The following POLR2D variants were observed in gnomAD, a reference collection of about 807,000 sequenced individuals.
POLR2D encodes DNA-directed RNA polymerase II subunit RPB4.
POLR2D carries 10 observed loss-of-function variants against 17.6 expected under a neutral mutation model. That is an observed-to-expected ratio of 0.57 (90% CI 0.35 to 0.96). POLR2D has a LOEUF of 0.96. Among genes scored for constraint, POLR2D ranks in the 40% least tolerant of loss-of-function variants. The probability of loss-of-function intolerance (pLI) is 0.02; values close to 1 mark genes in which losing one functional copy is unlikely to be tolerated. For missense variants in POLR2D, 126 were observed against 176.4 expected (o/e 0.71, Z 1.62); for synonymous variants, 52 against 60.2 (o/e 0.86, Z 0.63).
At position 127,847,069 on chromosome 2, in the gene POLR2D, GCTT is replaced by G. The variant is rs1168753500; in HGVS notation, c.*1035_*1037del. The stretch of plus-strand genomic sequence containing the variant: ...TGTGGACCTCTTTGGCACGACCATT[GCTT>G]CTTCTTTGTTATCTTGGAGGTGCAG... On this transcript the variant is annotated 3_prime_UTR_variant, in exon 4 of 4. Transcript: ENST00000272645. The G allele has an allele frequency of 2.0e-5, 3 of 152,590 alleles. No individual in the cohort carries two copies. The highest frequency in any genetic ancestry group is 2.9e-5 in the Non-Finnish European group (2 of 68,046). 9.5% of individuals were successfully genotyped at this position (152,590 alleles called of 1,614,324 possible).
intron 3 of POLR2D, among the ~76,000 whole-genome samples, chr2:127,849,986 G>A (rs1690224049): frequency 1.3e-5 from 2 of 152,144 alleles, no homozygotes; most frequent in African/African-American, 4.8e-5. Context: ...TTTGGAACTT[G>A]GAGTATATTC....
At chr2:127,849,512 T>C (rs1179393257) in intron 3 of POLR2D, among the ~76,000 whole-genome samples, 2 of 152,250 alleles carry the variant, frequency 1.3e-5, no homozygotes, top group Admixed American at 6.5e-5. Context: ...TACACATTTA[T>C]GGATACGTAA....
intron 1 of POLR2D, chr2:127,857,730 G>C: frequency 1.0e-6 from 1 of 955,484 alleles, no homozygotes. Context: ...TTTCCCTAGT[G>C]CAACAGTATA....
chr2:127,856,609 TA>T (rs759747716), intron 1 of POLR2D, among the ~76,000 whole-genome samples: 503 of 150,754 alleles, frequency 3.3e-3, no homozygotes, highest in Middle Eastern at 0.01. Flanking sequence ...AAAAAAAAAT[TA>T]AAAAAAATAA....
rs368854428 is a variant in POLR2D, at chr2:127,849,753, A to T, written c.350+837T>A. 5.8e-4 allele frequency among the ~76,000 whole-genome samples: 88 copies of T among 152,308 alleles called. 1 individual carries two copies. The highest frequency in any genetic ancestry group is 2.0e-3 in the African/African-American group (85 of 41,570). ...TTATCAAATTTCTGCTATCATTAGC[A>T]GTGGAGCATGAGGCTGGGCACCGCG... is the stretch of plus-strand genomic sequence containing the variant. On this transcript the variant is annotated intron_variant, in intron 3 of 3. Transcript: ENST00000272645.
chr2:127,856,290 C>CAA (rs61249327), intron 1 of POLR2D, among the ~76,000 whole-genome samples: 4,218 of 25,374 alleles, frequency 0.17, 893 homozygotes, highest in Non-Finnish European at 0.18. Flanking sequence ...GATCCCGTCT[C>CAA]AAAAAAAAAA....
At position 127,850,601 on chromosome 2, in the gene POLR2D, A is replaced by G. The variant is rs764885564; in HGVS notation, c.339T>C (p.Ala113=). The G allele has an allele frequency of 1.3e-6, 2 of 1,515,278 alleles. No individual in the cohort carries two copies. The highest frequency in any genetic ancestry group is 4.5e-5 in the East Asian group (2 of 44,390). The allele number at this position is 1,515,278 out of a possible 1,614,324, so 93.9% of individuals were successfully genotyped here. ...CAACTGGTACTAACCTTGGGATTAGAGCCTTGGACTCCTCAGCAGTCTCTG... is the reference window on the plus strand; with the variant it reads ...CAACTGGTACTAACCTTGGGATTAGGGCCTTGGACTCCTCAGCAGTCTCTG... ...LCPETAEESK[A]LIPSLEGRFE... is the part of the protein sequence containing the mutation. The change falls in exon 3 of 4, where the codon GCT becomes GCC. Residue 113 remains alanine, a synonymous_variant. Transcript: ENST00000272645.
intron 2 of POLR2D, among the ~76,000 whole-genome samples, chr2:127,851,197 C>T (rs1690247274): frequency 6.6e-6 from 1 of 152,016 alleles, no homozygotes; most frequent in South Asian, 2.1e-4. Flanking sequence ...GCCTGGGTGA[C>T]AGAACTAGAC....
In POLR2D at chr2:127,844,613, G is replaced by A. The variant is rs1009617447; in HGVS notation, c.*3494C>T. 6.6e-6 allele frequency: 1 copy of A among 152,160 alleles called. No homozygotes were observed. Among genetic ancestry groups the A allele is most frequent in the Non-Finnish European group, 1.5e-5 (1 of 68,032 alleles). The allele number at this position is 152,160 out of a possible 1,614,324, so 9.4% of individuals were successfully genotyped here. A position where few individuals can be genotyped will look rare whatever the true frequency, so the allele number is the denominator to read the frequency against. The stretch of plus-strand genomic sequence containing the variant: ...CCAGGCTTTCAACCTACAACAGCAT[G>A]AGGTTGCTTTACCAAGTTCCCTAGT... On this transcript the variant is annotated 3_prime_UTR_variant, in exon 4 of 4. Coordinates refer to ENST00000272645, the MANE Select transcript of POLR2D (RefSeq NM_004805.4).
chr2:127,856,716 A>T (rs546206452), intron 1 of POLR2D, among the ~76,000 whole-genome samples: 1 of 152,012 alleles, frequency 6.6e-6, no homozygotes, highest in South Asian at 2.1e-4. Flanking sequence ...TTTATTTCTT[A>T]GAGGGTAGTA....
Position 127,844,090 on chromosome 2 carries a change from C to G in POLR2D, c.*4017G>C. ...CTGCACTCCAGCCTGGGCGACAGAG[C>G]AAGATCCTGCTGTATCCAAAAAAAA... is the stretch of plus-strand genomic sequence containing the variant. On this transcript the variant is annotated 3_prime_UTR_variant, in exon 4 of 4. Transcript: ENST00000272645. 1 of 110,944 alleles carries G rather than the reference C, an allele frequency of 9.0e-6. No homozygotes were observed. The highest frequency in any genetic ancestry group is 3.7e-5 in the African/African-American group (1 of 26,876). The allele number at this position is 110,944 out of a possible 1,614,324, so 6.9% of individuals were successfully genotyped here.
intron 1 of POLR2D, among the ~76,000 whole-genome samples, chr2:127,856,005 G>C (rs1690321827): frequency 1.3e-5 from 2 of 152,124 alleles, no homozygotes; most frequent in Admixed American, 6.5e-5. Context: ...TAATAGGCCA[G>C]GTGCAGTGGC....
In POLR2D at chr2:127,843,674, G is replaced by A. The variant is rs946522846; in HGVS notation, c.*4433C>T. 1 of 152,634 alleles carries A rather than the reference G, an allele frequency of 6.6e-6. No homozygotes were observed. The highest frequency in any genetic ancestry group is 2.4e-5 in the African/African-American group (1 of 41,420). The allele number at this position is 152,634 out of a possible 1,614,324, so 9.5% of individuals were successfully genotyped here. The stretch of plus-strand genomic sequence containing the variant: ...AATCTTAATAAAACCAGAATGACTA[G>A]ATGCTATGGTCTGAATGTGCCCCCT... On this transcript the variant is annotated 3_prime_UTR_variant, in exon 4 of 4. Coordinates refer to ENST00000272645, the MANE Select transcript of POLR2D (RefSeq NM_004805.4).
At chr2:127,857,728 G>T in intron 1 of POLR2D, 2 of 953,656 alleles carry the variant, frequency 2.1e-6, no homozygotes, top group Non-Finnish European at 2.6e-6. Context: ...CTTTTCCCTA[G>T]TGCAACAGTA....
intron 1 of POLR2D, among the ~76,000 whole-genome samples, chr2:127,856,265 T>C (rs1690326323): frequency 9.5e-6 from 1 of 105,542 alleles, no homozygotes; most frequent in African/African-American, 3.6e-5. Flanking sequence ...CACTCCAACC[T>C]AGGTAGCAGA....
In POLR2D at chr2:127,852,779, A is replaced by G. The variant is rs1690272399; in HGVS notation, c.254+146T>C. The G allele has an allele frequency of 4.6e-6, 3 of 657,284 alleles. No homozygotes were observed. The highest frequency in any genetic ancestry group is 3.6e-5 in the African/African-American group (2 of 55,116). 40.7% of individuals were successfully genotyped at this position (657,284 alleles called of 1,614,324 possible). A position where few individuals can be genotyped will look rare whatever the true frequency, so the allele number is the denominator to read the frequency against. On this transcript the variant is annotated intron_variant, in intron 2 of 3. Coordinates refer to ENST00000272645, the MANE Select transcript of POLR2D (RefSeq NM_004805.4). The surrounding 1 kb of genome is among the most constrained non-coding windows in gnomAD (Gnocchi z 4.0). ...AAGTGATCTGCTGCCTCAACCTTCC[A>G]AAGTGCTGGGTGTGAGCCACCATGC...
Position 127,852,607 on chromosome 2 carries a change from C to A in POLR2D, c.254+318G>T, listed in dbSNP as rs138086421. Among the ~76,000 whole-genome samples, 1 of 152,192 alleles carries A rather than the reference C, an allele frequency of 6.6e-6. No individual in the cohort carries two copies. The highest frequency in any genetic ancestry group is 1.5e-5 in the Non-Finnish European group (1 of 68,038). Reference sequence around the variant, plus strand: ...GTTGCGCAATCTCGGCTCACTGCAACCTTGGCCTACAGATTCAAGCGATTC... The same window carrying A: ...GTTGCGCAATCTCGGCTCACTGCAAACTTGGCCTACAGATTCAAGCGATTC... On this transcript the variant is annotated intron_variant, in intron 2 of 3. Transcript: ENST00000272645. This position sits in a 1 kb window ranked among gnomAD's most constrained non-coding sequence, Gnocchi z 4.0.
At position 127,850,647 on chromosome 2, in the gene POLR2D, G is replaced by A; in HGVS notation, c.293C>T (p.Ala98Val). 1 of 1,589,746 alleles carries A rather than the reference G, an allele frequency of 6.3e-7. No individual in the cohort carries two copies. Among genetic ancestry groups the A allele is most frequent in the South Asian group, 1.1e-5 (1 of 87,706 alleles). Residue 98 changes from alanine to valine, a missense_variant, in exon 3 of 4, where the codon GCC becomes GTC. Transcript: ENST00000272645. The stretch of plus-strand genomic sequence containing the variant: ...CTCTGGGCAAAGGTTGGCCAAACAG[G>A]CCAACTCAAACTTATGAAGCTTTTT... ...LQKKLHKFEL[A>V]CLANLCPETA...
At position 127,849,054 on chromosome 2, in the gene POLR2D, G is replaced by GT. The variant is rs555744431; in HGVS notation, c.351-870dup. Among the ~76,000 whole-genome samples the GT allele has an allele frequency of 1.9e-3, 280 of 150,536 alleles. 1 individual carries two copies. Among genetic ancestry groups the GT allele is most frequent in the Non-Finnish European group, 3.2e-3 (219 of 67,450 alleles). The stretch of plus-strand genomic sequence containing the variant: ...GTGTGAGCCACCACACCTGGCCAGA[G>GT]TTTTTTTTTGGGACAGAGTGTCGCT... On this transcript the variant is annotated intron_variant, in intron 3 of 3. Transcript: ENST00000272645.
Sources: allele counts gnomAD v4.1 joint callset (sites outside exome capture counted in the v4.1 genomes callset), GRCh38; gene constraint gnomAD v4.1.1; non-coding constraint Gnocchi (gnomAD v3.1); transcripts MANE v1.5; gene names NCBI Gene and HGNC (gene_info 2026-07-23, HGNC 2026-07-21).